The following CSGALNACT1 variants were observed in gnomAD, a reference collection of about 807,000 sequenced individuals.
CSGALNACT1 encodes chondroitin sulfate N-acetylgalactosaminyltransferase 1.
A neutral mutation model predicts 51.0 loss-of-function variants in CSGALNACT1; 52 were observed. The observed-to-expected ratio is 1.02, with a 90% CI of 0.82 to 1.29. CSGALNACT1 has a LOEUF of 1.29. Ranked by LOEUF, CSGALNACT1 falls within the 50% of genes most tolerant of loss-of-function variation. CSGALNACT1 has a pLI of 0.00. For missense variants in CSGALNACT1, 935 were observed against 679.2 expected (o/e 1.38, Z -4.19); for synonymous variants, 341 against 254.4 (o/e 1.34, Z -3.24).
intron 9 of CSGALNACT1, among the ~76,000 whole-genome samples, chr8:19,406,440 T>C (rs1206436645): frequency 6.6e-6 from 1 of 152,022 alleles, no homozygotes; most frequent in Non-Finnish European, 1.5e-5. Context: ...GATTATGAAT[T>C]AGCTATTGTT....
chr8:19,417,208 C>G (rs1189293992), intron 8 of CSGALNACT1, among the ~76,000 whole-genome samples: 1 of 152,098 alleles, frequency 6.6e-6, no homozygotes, highest in Non-Finnish European at 1.5e-5. Context: ...GTATAAAGCA[C>G]AGATACAGAT....
chr8:19,718,254 C>G (rs1299726380), intron 1 of CSGALNACT1, among the ~76,000 whole-genome samples: 1 of 152,012 alleles, frequency 6.6e-6, no homozygotes, highest in Non-Finnish European at 1.5e-5. Context: ...CTGCCACACC[C>G]CTCTAATTTT....
chr8:19,726,176 G>A (rs1479165792), intron 1 of CSGALNACT1, among the ~76,000 whole-genome samples: 1 of 151,806 alleles, frequency 6.6e-6, no homozygotes, highest in African/African-American at 2.4e-5. Context: ...CCATGTATTT[G>A]GATAAAAAAG....
intron 3 of CSGALNACT1, among the ~76,000 whole-genome samples, chr8:19,509,020 T>C (rs2077918409): frequency 6.6e-6 from 1 of 152,188 alleles, no homozygotes; most frequent in Non-Finnish European, 1.5e-5. Context: ...TTAGGAAGGA[T>C]GGGCATTTTT....
At chr8:19,548,198 T>G (rs2086954047) in intron 3 of CSGALNACT1, among the ~76,000 whole-genome samples, 1 of 152,246 alleles carries the variant, frequency 6.6e-6, no homozygotes, top group Non-Finnish European at 1.5e-5. Flanking sequence ...AACTGGAATT[T>G]TCCTCAAGGA....
intron 1 of CSGALNACT1, among the ~76,000 whole-genome samples, chr8:19,733,651 T>C (rs2063807419): frequency 6.6e-6 from 1 of 152,126 alleles, no homozygotes; most frequent in African/African-American, 2.4e-5. Context: ...GTCCTTCTGC[T>C]GCTAAAAGAA....
intron 3 of CSGALNACT1, among the ~76,000 whole-genome samples, chr8:19,572,468 C>T (rs2043237038): frequency 1.3e-5 from 2 of 152,162 alleles, no homozygotes; most frequent in South Asian, 4.1e-4. Context: ...AGAGTCTGTT[C>T]AGATAAACTA....
chr8:19,517,026 C>A (rs116848560), intron 3 of CSGALNACT1, among the ~76,000 whole-genome samples: 1,877 of 152,304 alleles, frequency 0.012, 20 homozygotes, highest in Non-Finnish European at 0.02. Context: ...TGCCTCAAAC[C>A]TGATATGTGG....
At chr8:19,563,890 C>G (rs1342215293) in intron 3 of CSGALNACT1, among the ~76,000 whole-genome samples, 1 of 152,166 alleles carries the variant, frequency 6.6e-6, no homozygotes, top group Non-Finnish European at 1.5e-5. Flanking sequence ...CTCCCCAACC[C>G]TAGACTCCCA....
chr8:19,641,108 T>C (rs2056684798), intron 1 of CSGALNACT1, among the ~76,000 whole-genome samples: 1 of 150,074 alleles, frequency 6.7e-6, no homozygotes, highest in Non-Finnish European at 1.5e-5. Flanking sequence ...CTACCTGTAT[T>C]ACCAATAATG....
chr8:19,586,738 G>A lies in CSGALNACT1; in HGVS notation c.-297+4422C>T, dbSNP rs569225403. Among the ~76,000 whole-genome samples the A allele has an allele frequency of 2.3e-4, 35 of 152,290 alleles. 2 individuals carry two copies. In the South Asian group the frequency reaches 5.6e-3, roughly 24 times the overall value. On this transcript the variant is annotated intron_variant, in intron 3 of 9. Transcript: ENST00000454498. The stretch of plus-strand genomic sequence containing the variant: ...GTGGGATATTGTACCTAAGAAGGTT[G>A]AGAAATGTCCAGCTGGAAATGGATT...
At chr8:19,619,256 G>A in intron 1 of CSGALNACT1, among the ~76,000 whole-genome samples, 1 of 140,224 alleles carries the variant, frequency 7.1e-6, no homozygotes, top group Non-Finnish European at 1.5e-5. Flanking sequence ...GTCGGGGGGG[G>A]GTGGGCCTTG....
At chr8:19,659,210 T>G (rs1301469861) in intron 1 of CSGALNACT1, among the ~76,000 whole-genome samples, 1 of 152,210 alleles carries the variant, frequency 6.6e-6, no homozygotes, top group East Asian at 1.9e-4. Flanking sequence ...TCAGTATACG[T>G]AGCATTTCTT....
intron 3 of CSGALNACT1, among the ~76,000 whole-genome samples, chr8:19,535,201 A>C (rs544684355): frequency 1.1e-4 from 17 of 152,338 alleles, no homozygotes; most frequent in African/African-American, 4.1e-4. Context: ...ACATTTGAAA[A>C]AAAAATAGAA....
At chr8:19,418,895 G>A (rs368490621) in intron 7 of CSGALNACT1, 145 bp from the exon 7 acceptor site, 22 of 697,084 alleles carry the variant, frequency 3.2e-5, no homozygotes, top group East Asian at 1.1e-4. Flanking sequence ...CACCCAGGCT[G>A]CAATAGAGTG....
intron 4 of CSGALNACT1, 71 bp downstream of exon 3, chr8:19,505,130 G>T (rs924697534): frequency 1.3e-6 from 2 of 1,585,102 alleles, no homozygotes; most frequent in African/African-American, 2.7e-5. Context: ...CCTGGAGCTG[G>T]AACCTGCCTG....
intron 4 of CSGALNACT1, among the ~76,000 whole-genome samples, chr8:19,501,305 T>G (rs2076380447): frequency 1.4e-5 from 2 of 147,020 alleles, no homozygotes; most frequent in South Asian, 4.4e-4. Context: ...ACACAGAACC[T>G]CTCTTACATG....
intron 2 of CSGALNACT1, among the ~76,000 whole-genome samples, chr8:19,599,472 A>AAAAG (rs201098374): frequency 0.12 from 13,495 of 113,538 alleles, 985 homozygotes; most frequent in East Asian, 0.16. Context: ...GAAAGAAAGA[A>AAAAG]AAAGAAAGAA....
In CSGALNACT1 at chr8:19,688,386, T is replaced by C. The variant is rs117482452; in HGVS notation, c.-297+69464A>G. ...TTTGGTCTAATATAAAACAAAATGG[T>C]AGACAAGTGGCCACACCCTGAAGGG... On this transcript the variant is annotated intron_variant, in intron 1 of 1. Transcript: ENST00000517494. Among the ~76,000 whole-genome samples, 333 of 152,216 alleles carry C rather than the reference T, an allele frequency of 2.2e-3. 2 individuals are homozygous for C. The highest frequency in any genetic ancestry group is 0.014 in the Middle Eastern group (4 of 294).
Sources: allele counts gnomAD v4.1 joint callset (sites outside exome capture counted in the v4.1 genomes callset), GRCh38; gene constraint gnomAD v4.1.1; transcripts MANE v1.5; gene names NCBI Gene and HGNC (gene_info 2026-07-23, HGNC 2026-07-21).